PTBP3: variants seen among roughly 807,000 people sequenced by gnomAD.
PTBP3 encodes polypyrimidine tract binding protein 3.
PTBP3 carries 20 observed loss-of-function variants against 58.7 expected under a neutral mutation model. The observed-to-expected ratio is 0.34, with a 90% CI of 0.24 to 0.50. The LOEUF is 0.50. Among genes scored for constraint, PTBP3 ranks in the 20% least tolerant of loss-of-function variants. PTBP3 has a pLI of 0.98. For missense variants in PTBP3, 509 were observed against 637.2 expected (o/e 0.80, Z 2.17); for synonymous variants, 185 against 219.8 (o/e 0.84, Z 1.40).
At chr9:112,371,158 A>C in the PTBP3 span, among the ~76,000 whole-genome samples, 1 of 152,178 alleles carries the variant, frequency 6.6e-6, no homozygotes, top group Admixed American at 6.5e-5. Context: ...ACAATGTTGA[A>C]TATAAGTGCC....
At position 112,223,742 on chromosome 9, in the gene PTBP3, AGAGTTATTTTTGT is replaced by A; in HGVS notation, c.*96_*108del. 1.5e-6 allele frequency: 2 copies of A among 1,370,848 alleles called. No homozygotes were observed. The highest frequency in any genetic ancestry group is 9.3e-7 in the Non-Finnish European group (1 of 1,069,832). 84.9% of individuals were successfully genotyped at this position (1,370,848 alleles called of 1,614,324 possible). A position where few individuals can be genotyped will look rare whatever the true frequency, so the allele number is the denominator to read the frequency against. On this transcript the variant is annotated 3_prime_UTR_variant, in exon 14 of 14. Transcript: ENST00000374257. ...TAAAATATACTTGAATATCAAACTC[AGAGTTATTTTTGT>A]GAAAGAGGCAAAATTGGTCTTGAGC...
intron 2 of PTBP3, among the ~76,000 whole-genome samples, chr9:112,296,386 A>G (rs1392479159): frequency 6.6e-6 from 1 of 152,066 alleles, no homozygotes; most frequent in African/African-American, 2.4e-5. Context: ...AATTATTATT[A>G]ATAGTTACAT....
In PTBP3 at chr9:112,218,752, T is replaced by C. The variant is rs1339332370; in HGVS notation, c.*5099A>G. ...TGCTTATCCAAAATATACAAGACAATTGATGTTTTATATAAAACCACTTTA... is the reference window on the plus strand; with the variant it reads ...TGCTTATCCAAAATATACAAGACAACTGATGTTTTATATAAAACCACTTTA... On this transcript the variant is annotated 3_prime_UTR_variant, in exon 14 of 14. Coordinates refer to ENST00000374257, the MANE Select transcript of PTBP3 (RefSeq NM_001163788.4). 3 of 152,654 alleles carry C rather than the reference T, an allele frequency of 2.0e-5. No homozygotes were observed. The highest frequency in any genetic ancestry group is 1.9e-4 in the East Asian group (1 of 5,204). 9.5% of individuals were successfully genotyped at this position (152,654 alleles called of 1,614,324 possible). A position where few individuals can be genotyped will look rare whatever the true frequency, so the allele number is the denominator to read the frequency against.
At chr9:112,343,768 G>A in the PTBP3 span, among the ~76,000 whole-genome samples, 1 of 147,130 alleles carries the variant, frequency 6.8e-6, no homozygotes, top group African/African-American at 2.5e-5. Flanking sequence ...CCCAGCCTGG[G>A]CAACAGAGCA....
At chr9:112,276,122 T>A in intron 2 of PTBP3, 109 bp from the exon 3 acceptor site, 1 of 1,031,740 alleles carries the variant, frequency 9.7e-7, no homozygotes, top group Non-Finnish European at 1.4e-6. Context: ...GTTTTGAACT[T>A]CAGGGAAACG....
At chr9:112,275,139 ATT>A (rs11424595) in intron 3 of PTBP3, among the ~76,000 whole-genome samples, 1 of 148,632 alleles carries the variant, frequency 6.7e-6, no homozygotes, top group Non-Finnish European at 1.5e-5. Context: ...TATACTTTTT[ATT>A]TTTTTTTTTG....
At chr9:112,347,060 C>A in the PTBP3 span, among the ~76,000 whole-genome samples, 2 of 152,138 alleles carry the variant, frequency 1.3e-5, no homozygotes, top group Non-Finnish European at 2.9e-5. Flanking sequence ...ATGTATATAA[C>A]CTTGTGCACC....
the PTBP3 span, among the ~76,000 whole-genome samples, chr9:112,368,390 C>T: frequency 3.3e-5 from 5 of 152,260 alleles, no homozygotes; most frequent in East Asian, 5.8e-4. Context: ...AGGTTGGTCT[C>T]GAACTCCTGA....
chr9:112,269,948 CTT>C (rs111363648), intron 3 of PTBP3, among the ~76,000 whole-genome samples: 8 of 142,992 alleles, frequency 5.6e-5, no homozygotes, highest in Admixed American at 1.4e-4. Flanking sequence ...TCCAAATCTT[CTT>C]TTTTTTTTTT....
At chr9:112,371,817 T>G in the PTBP3 span, among the ~76,000 whole-genome samples, 1 of 152,076 alleles carries the variant, frequency 6.6e-6, no homozygotes, top group Admixed American at 6.6e-5. Flanking sequence ...CACTGCAGCC[T>G]CAACCACCCA....
At chr9:112,345,341 TAAAAAAAAAAAAAAAAA>T in the PTBP3 span, among the ~76,000 whole-genome samples, 42 of 63,698 alleles carry the variant, frequency 6.6e-4, no homozygotes, top group Non-Finnish European at 1.1e-3. Flanking sequence ...CCCTCATCTC[TAAAAAAAAAAAAAAAAA>T]AAAAAAAAAA....
At position 112,220,360 on chromosome 9, in the gene PTBP3, AGTTGGC is replaced by A. The variant is rs766624001; in HGVS notation, c.*3485_*3490del. ...AGCAGGAGAATCACTTGAGCCCAGGAGTTGGCGAGACCCCTAAAAATAAAATAAAGT... is the reference window on the plus strand; with the variant it reads ...AGCAGGAGAATCACTTGAGCCCAGGAGAGACCCCTAAAAATAAAATAAAGT... On this transcript the variant is annotated 3_prime_UTR_variant, in exon 14 of 14. Transcript: ENST00000374257. 1.8e-4 allele frequency: 226 copies of A among 1,266,452 alleles called. No homozygotes were observed. The Middle Eastern group carries it at 7.9e-3, about 44-fold the overall frequency. 78.5% of individuals were successfully genotyped at this position (1,266,452 alleles called of 1,614,324 possible).
the PTBP3 span, among the ~76,000 whole-genome samples, chr9:112,367,070 G>A: frequency 6.6e-6 from 1 of 152,124 alleles, no homozygotes; most frequent in South Asian, 2.1e-4. Context: ...TCTTATCACA[G>A]TCTATTTTAA....
At chr9:112,244,510 C>T (rs542489156) in intron 7 of PTBP3, among the ~76,000 whole-genome samples, 8 of 150,876 alleles carry the variant, frequency 5.3e-5, no homozygotes, top group African/African-American at 1.7e-4. Context: ...CCTACCTCTA[C>T]AAAAAAATTT....
chr9:112,289,135 T>C (rs1828266737), intron 2 of PTBP3, among the ~76,000 whole-genome samples: 1 of 152,360 alleles, frequency 6.6e-6, no homozygotes, highest in South Asian at 2.1e-4. Flanking sequence ...TGATACGCGC[T>C]GCTTTTCCCT....
chr9:112,370,113 T>C, the PTBP3 span, among the ~76,000 whole-genome samples: 6 of 152,306 alleles, frequency 3.9e-5, no homozygotes, highest in African/African-American at 1.4e-4. Context: ...CTCAGGTGTT[T>C]CTTAATAGCA....
chr9:112,290,943 C>T (rs1828391554), intron 2 of PTBP3, among the ~76,000 whole-genome samples: 3 of 151,866 alleles, frequency 2.0e-5, no homozygotes, highest in African/African-American at 2.4e-5. Context: ...TAAATGTGGC[C>T]GGGCACAGTG....
At chr9:112,359,424 C>T in the PTBP3 span, among the ~76,000 whole-genome samples, 1 of 151,682 alleles carries the variant, frequency 6.6e-6, no homozygotes, top group South Asian at 2.1e-4. Context: ...CCAGCCTGAG[C>T]GACAGAGCAA....
intron 1 of PTBP3, among the ~76,000 whole-genome samples, chr9:112,331,207 A>G (rs1449461772): frequency 6.6e-6 from 1 of 152,112 alleles, no homozygotes; most frequent in Admixed American, 6.6e-5. Context: ...CTACCCAAAT[A>G]AGGAAAAAGG....
Sources: allele counts gnomAD v4.1 joint callset (sites outside exome capture counted in the v4.1 genomes callset), GRCh38; gene constraint gnomAD v4.1.1; transcripts MANE v1.5; gene names NCBI Gene and HGNC (gene_info 2026-07-23, HGNC 2026-07-21).